USH2A: variants seen among roughly 807,000 people sequenced by gnomAD.
The protein encoded by USH2A is usherin, also known as Usher syndrome 2A (autosomal recessive, mild).
USH2A carries 443 observed loss-of-function variants against 538.9 expected under a neutral mutation model. That is an observed-to-expected ratio of 0.82 (90% CI 0.76 to 0.89). USH2A has a LOEUF of 0.89. Ranked by LOEUF, USH2A falls within the 40% of genes least tolerant of loss-of-function variation. The pLI is 0.00. For synonymous variants in USH2A, 2,413 were observed against 2,273.5 expected, an observed-to-expected ratio of 1.06 and a Z score of -1.75; for missense variants, 6,633 against 6,324.8, an observed-to-expected ratio of 1.05 and a Z score of -1.65.
intron 16 of USH2A, chr1:216,203,945 G>C (rs2035054289): frequency 6.3e-6 from 1 of 159,584 alleles, no homozygotes; most frequent in African/African-American, 2.4e-5. Flanking sequence ...ATCTGACTGT[G>C]AATCTGGGGA....
chr1:216,086,992 T>C, intron 23 of USH2A, 172 bp from the exon 24 acceptor site: 1 of 610,760 alleles, frequency 1.6e-6, no homozygotes, highest in South Asian at 1.7e-5. Flanking sequence ...CATCCCAGCA[T>C]CATGATGTTG....
At chr1:215,883,501 A>C (rs539734933) in intron 41 of USH2A, among the ~76,000 whole-genome samples, 1 of 151,570 alleles carries the variant, frequency 6.6e-6, no homozygotes, top group East Asian at 1.9e-4. Flanking sequence ...ATTACATGAA[A>C]TTCTCCTTTT....
At chr1:215,831,765 C>T (rs953903967) in intron 47 of USH2A, among the ~76,000 whole-genome samples, 1 of 151,748 alleles carries the variant, frequency 6.6e-6, no homozygotes, top group African/African-American at 2.4e-5. Flanking sequence ...CTTTAAGAAA[C>T]TAGAGAAGCA....
chr1:215,811,981 G>GTTTTT (rs753767378), intron 49 of USH2A, among the ~76,000 whole-genome samples: 32 of 78,792 alleles, frequency 4.1e-4, no homozygotes, highest in East Asian at 2.4e-3. Flanking sequence ...AACCCCTAGG[G>GTTTTT]TTTTTTTTTT....
At position 216,328,251 on chromosome 1, in the gene USH2A, G is replaced by A. The variant is rs2037776141; in HGVS notation, c.785-597C>T. On this transcript the variant is annotated intron_variant, in intron 4 of 71. Transcript: ENST00000307340. Reference sequence around the variant, plus strand: ...TCACTCTCAGAATTTTATTGCCTCAGGGAAAATCTTCTAAGAAAACCAGGT... The same window carrying A: ...TCACTCTCAGAATTTTATTGCCTCAAGGAAAATCTTCTAAGAAAACCAGGT... Among the ~76,000 whole-genome samples, 8 of 152,056 alleles carry A rather than the reference G, an allele frequency of 5.3e-5. No individual in the cohort carries two copies. In the South Asian group the frequency reaches 1.7e-3, roughly 32 times the overall value.
intron 4 of USH2A, among the ~76,000 whole-genome samples, chr1:216,348,793 GT>G (rs941929469): frequency 6.6e-6 from 1 of 151,480 alleles, no homozygotes; most frequent in Non-Finnish European, 1.5e-5. Flanking sequence ...TGTGTTTAAG[GT>G]TTTTTTTCTG....
rs114744035 is a variant in USH2A at position 216,045,590 on chromosome 1, G to A, written c.6325+841C>T. 5.3e-3 allele frequency among the ~76,000 whole-genome samples: 801 copies of A among 152,296 alleles called. 5 individuals carry two copies. The highest frequency in any genetic ancestry group is 0.019 in the African/African-American group (779 of 41,552). On this transcript the variant is annotated intron_variant, in intron 32 of 71. Transcript: ENST00000307340. ...TGCACCACTCTAATAGCTCATGTGAGAGAGGCATTTATTTGATGATGTCAT... is the reference window on the plus strand; with the variant it reads ...TGCACCACTCTAATAGCTCATGTGAAAGAGGCATTTATTTGATGATGTCAT...
At chr1:216,416,659 TC>T (rs2039582057) in intron 3 of USH2A, among the ~76,000 whole-genome samples, 1 of 152,146 alleles carries the variant, frequency 6.6e-6, no homozygotes, top group Non-Finnish European at 1.5e-5. Context: ...AATGCTGATT[TC>T]AGTAGGCACT....
intron 32 of USH2A, among the ~76,000 whole-genome samples, chr1:216,043,002 T>C (rs765234836): frequency 6.6e-6 from 1 of 152,096 alleles, no homozygotes; most frequent in Non-Finnish European, 1.5e-5. Flanking sequence ...ACTTTCAGCC[T>C]CCAGACTGTG....
At chr1:215,731,837 T>G (rs1294956531) in intron 60 of USH2A, among the ~76,000 whole-genome samples, 1 of 152,202 alleles carries the variant, frequency 6.6e-6, no homozygotes, top group Non-Finnish European at 1.5e-5. Flanking sequence ...TTACAAATAT[T>G]CTGAGTTTAA....
At chr1:216,129,697 GA>G (rs1034356137) in intron 21 of USH2A, among the ~76,000 whole-genome samples, 3 of 151,070 alleles carry the variant, frequency 2.0e-5, no homozygotes, top group African/African-American at 7.3e-5. Context: ...TATAAAAATC[GA>G]AAAAAAATCC....
chr1:215,787,800 T>C (rs1661844358), intron 51 of USH2A, among the ~76,000 whole-genome samples: 2 of 151,986 alleles, frequency 1.3e-5, no homozygotes, highest in Non-Finnish European at 2.9e-5. Context: ...TCCCAACACT[T>C]TGGGAGGCGG....
chr1:216,402,370 A>C (rs1470087114), intron 3 of USH2A, among the ~76,000 whole-genome samples: 6 of 152,124 alleles, frequency 3.9e-5, no homozygotes, highest in African/African-American at 1.4e-4. Flanking sequence ...AAATTTCAAA[A>C]ACATAGAACT....
chr1:216,174,100 T>C, intron 21 of USH2A: 1 of 985,284 alleles, frequency 1.0e-6, no homozygotes, highest in African/African-American at 1.7e-5. Context: ...CATGATTCAT[T>C]ACCAAGGTGC....
intron 2 of USH2A, among the ~76,000 whole-genome samples, chr1:216,418,924 T>C (rs1181991826): frequency 6.6e-6 from 1 of 152,106 alleles, no homozygotes; most frequent in Admixed American, 6.6e-5. Flanking sequence ...GCACCCTTCA[T>C]TAGAGATTCA....
Position 215,930,988 on chromosome 1 carries a change from T to C in USH2A, c.7300+3628A>G, listed in dbSNP as rs143402465. 2.6e-3 allele frequency among the ~76,000 whole-genome samples: 394 copies of C among 152,118 alleles called. 3 individuals are homozygous for C. Among genetic ancestry groups the C allele is most frequent in the African/African-American group, 8.7e-3 (360 of 41,548 alleles). On this transcript the variant is annotated intron_variant, in intron 38 of 71. Coordinates refer to ENST00000307340, the MANE Select transcript of USH2A (RefSeq NM_206933.4). ...TTAGTGCTAAATATGAGCATTATGTTATTACAAACAACCTAAAAATATAGT... is the reference window on the plus strand; with the variant it reads ...TTAGTGCTAAATATGAGCATTATGTCATTACAAACAACCTAAAAATATAGT...
intron 43 of USH2A, among the ~76,000 whole-genome samples, chr1:215,875,896 TAATC>T (rs1476315368): frequency 8.7e-5 from 12 of 138,562 alleles, no homozygotes; most frequent in African/African-American, 2.3e-4. Context: ...TTATATATAA[TAATC>T]AATATATAAA....
intron 64 of USH2A, among the ~76,000 whole-genome samples, chr1:215,664,521 C>A (rs1293396456): frequency 2.6e-5 from 4 of 152,122 alleles, no homozygotes; most frequent in African/African-American, 9.7e-5. Context: ...ATTACAAAAA[C>A]CAATCAAGAG....
intron 14 of USH2A, among the ~76,000 whole-genome samples, chr1:216,222,926 C>T (rs569393571): frequency 3.4e-4 from 51 of 148,838 alleles, no homozygotes; most frequent in Non-Finnish European, 6.4e-4. Context: ...TGTGGTGAGC[C>T]GAGATTGCAC....
Sources: gnomAD v4.1 joint callset for allele counts (sites outside exome capture counted in the v4.1 genomes callset) on GRCh38, gnomAD v4.1.1 for gene constraint, MANE v1.5 for transcripts, NCBI Gene and HGNC (gene_info 2026-07-23, HGNC 2026-07-21) for gene names.